HCN1: variants seen among roughly 807,000 people sequenced by gnomAD.
HCN1 encodes potassium/sodium hyperpolarization-activated cyclic nucleotide-gated channel 1.
HCN1 carries 13 observed loss-of-function variants against 78.9 expected under a neutral mutation model. The observed-to-expected ratio is 0.16, with a 90% CI of 0.11 to 0.26. The LOEUF (loss-of-function observed/expected upper bound fraction) is 0.26. Among genes scored for constraint, HCN1 ranks in the 10% least tolerant of loss-of-function variants. HCN1 has a pLI of 1.00. For missense variants in HCN1, 810 were observed against 1,154.3 expected (o/e 0.70, Z 4.32); for synonymous variants, 552 against 455.5 (o/e 1.21, Z -2.70).
At chr5:45,272,472 G>C (rs1449126930) in intron 6 of HCN1, among the ~76,000 whole-genome samples, 1 of 151,962 alleles carries the variant, frequency 6.6e-6, no homozygotes, top group East Asian at 1.9e-4. Flanking sequence ...AAACCATATA[G>C]TTACCTTATA....
At chr5:45,508,326 G>C (rs1409651873) in intron 2 of HCN1, among the ~76,000 whole-genome samples, 3 of 151,970 alleles carry the variant, frequency 2.0e-5, no homozygotes, top group African/African-American at 7.2e-5. Context: ...TACAATCCAG[G>C]CTATCCTCAA....
chr5:45,449,576 A>G (rs1740868456), intron 3 of HCN1, among the ~76,000 whole-genome samples: 1 of 151,870 alleles, frequency 6.6e-6, no homozygotes, highest in African/African-American at 2.4e-5. Context: ...ACCTTCTAGT[A>G]TGCTGTTAAT....
chr5:45,556,249 ACAAT>A (rs1743467152), intron 2 of HCN1, among the ~76,000 whole-genome samples: 1 of 151,996 alleles, frequency 6.6e-6, no homozygotes, highest in Non-Finnish European at 1.5e-5. Flanking sequence ...AGCAAAGGAA[ACAAT>A]CAACAAAGTA....
chr5:45,601,745 C>T (rs1337747681), intron 2 of HCN1, among the ~76,000 whole-genome samples: 3 of 152,096 alleles, frequency 2.0e-5, no homozygotes, highest in Admixed American at 6.6e-5. Flanking sequence ...AGCATTTATA[C>T]GTTCTGACAA....
intron 1 of HCN1, among the ~76,000 whole-genome samples, chr5:45,668,708 G>T (rs1381317026): frequency 3.9e-5 from 6 of 151,910 alleles, no homozygotes; most frequent in Admixed American, 1.3e-4. Flanking sequence ...CTTTATGGAT[G>T]TTAGGAGATA....
At chr5:45,616,813 T>G (rs1337546589) in intron 2 of HCN1, among the ~76,000 whole-genome samples, 1 of 151,998 alleles carries the variant, frequency 6.6e-6, no homozygotes, top group African/African-American at 2.4e-5. Flanking sequence ...TTCCTTCGAT[T>G]TTTTAATCAA....
chr5:45,461,123 A>G (rs1185964226), intron 3 of HCN1, among the ~76,000 whole-genome samples: 1 of 152,024 alleles, frequency 6.6e-6, no homozygotes, highest in Non-Finnish European at 1.5e-5. Context: ...GTGTGTATAT[A>G]TAAAATATAT....
At position 45,443,713 on chromosome 5, in the gene HCN1, T is replaced by A. The variant is rs1206918926; in HGVS notation, c.1011+18133A>T. Among the ~76,000 whole-genome samples the A allele has an allele frequency of 4.6e-5, 7 of 152,112 alleles. No individual in the cohort carries two copies. The East Asian group carries it at 1.3e-3, about 29-fold the overall frequency. On this transcript the variant is annotated intron_variant, in intron 3 of 7. Coordinates refer to ENST00000303230, the MANE Select transcript of HCN1 (RefSeq NM_021072.4). ...TGAAATATGCAACTTCTGACTTTCT[T>A]CCCTCAAGTTAAAACATAATTTAAT...
rs113444856 is a variant in HCN1 at position 45,281,929 on chromosome 5, T to C, written c.1619-14676A>G. Reference sequence around the variant, plus strand: ...TTGGCTAGCTATAGTATATGTTTAGTGGAATGTTAAAAGATTCACATACAA... The same window carrying C: ...TTGGCTAGCTATAGTATATGTTTAGCGGAATGTTAAAAGATTCACATACAA... On this transcript the variant is annotated intron_variant, in intron 6 of 7. Transcript: ENST00000303230. Among the ~76,000 whole-genome samples the C allele has an allele frequency of 7.8e-3, 1,194 of 152,156 alleles. 12 individuals carry two copies. Among genetic ancestry groups the C allele is most frequent in the African/African-American group, 0.026 (1,086 of 41,516 alleles).
intron 3 of HCN1, among the ~76,000 whole-genome samples, chr5:45,412,958 T>C (rs1740052151): frequency 6.6e-6 from 1 of 152,074 alleles, no homozygotes; most frequent in South Asian, 2.1e-4. Flanking sequence ...AAGATTGCTA[T>C]TAGTTTTGAA....
At chr5:45,618,136 G>A (rs201887308) in intron 2 of HCN1, among the ~76,000 whole-genome samples, 1 of 48,724 alleles carries the variant, frequency 2.1e-5, no homozygotes, top group African/African-American at 3.7e-5. Flanking sequence ...CATGTTATAA[G>A]CAATCAATAA....
rs779576950 is a variant in HCN1 at position 45,604,699 on chromosome 5, C to T, written c.849+40486G>A. ...GAACTGGCAACAAAATGTAAATAGACAACTTTCTCAGATAAGACATGTACA... is the reference window on the plus strand; with the variant it reads ...GAACTGGCAACAAAATGTAAATAGATAACTTTCTCAGATAAGACATGTACA... On this transcript the variant is annotated intron_variant, in intron 2 of 7. Coordinates refer to ENST00000303230, the MANE Select transcript of HCN1 (RefSeq NM_021072.4). Among the ~76,000 whole-genome samples, 22 of 151,890 alleles carry T rather than the reference C, an allele frequency of 1.4e-4. 1 individual carries two copies. The highest frequency in any genetic ancestry group is 2.9e-5 in the Non-Finnish European group (2 of 67,934).
chr5:45,362,261 G>T (rs1747130425), intron 4 of HCN1, among the ~76,000 whole-genome samples: 1 of 151,428 alleles, frequency 6.6e-6, no homozygotes, highest in African/African-American at 2.4e-5. Flanking sequence ...GCCTACCATG[G>T]TTAACTCAAT....
intron 3 of HCN1, among the ~76,000 whole-genome samples, chr5:45,408,096 C>CA (rs1338973557): frequency 2.0e-5 from 3 of 151,044 alleles, no homozygotes; most frequent in African/African-American, 4.9e-5. Flanking sequence ...AGTGTTACTA[C>CA]AAAAAAAGTC....
chr5:45,354,197 T>A (rs926372526), intron 4 of HCN1, among the ~76,000 whole-genome samples: 29 of 151,890 alleles, frequency 1.9e-4, no homozygotes, highest in African/African-American at 4.8e-4. Flanking sequence ...AGAATTTGCA[T>A]CTTAAAAACG....
chr5:45,388,636 A>G (rs942930793), intron 4 of HCN1, among the ~76,000 whole-genome samples: 1 of 152,204 alleles, frequency 6.6e-6, no homozygotes, highest in Non-Finnish European at 1.5e-5. Context: ...TATGAGGCAC[A>G]CTAAAGTTTG....
chr5:45,483,931 T>C (rs1741707289), intron 2 of HCN1, among the ~76,000 whole-genome samples: 1 of 152,160 alleles, frequency 6.6e-6, no homozygotes, highest in South Asian at 2.1e-4. Flanking sequence ...CGTTTGTAGG[T>C]GTGCAACTTT....
chr5:45,599,779 GTC>G (rs1374489345), intron 2 of HCN1, among the ~76,000 whole-genome samples: 2 of 151,674 alleles, frequency 1.3e-5, no homozygotes, highest in African/African-American at 4.8e-5. Flanking sequence ...CAATTAAGTT[GTC>G]TCTGCAGGAT....
At chr5:45,630,652 C>T (rs1350317796) in intron 2 of HCN1, among the ~76,000 whole-genome samples, 1 of 152,088 alleles carries the variant, frequency 6.6e-6, no homozygotes, top group Admixed American at 6.6e-5. Flanking sequence ...TGAAAAATCC[C>T]TTACATGTCT....
Sources: allele counts gnomAD v4.1 joint callset (sites outside exome capture counted in the v4.1 genomes callset), GRCh38; gene constraint gnomAD v4.1.1; transcripts MANE v1.5; gene names NCBI Gene and HGNC (gene_info 2026-07-23, HGNC 2026-07-21).